RELN: variants seen among roughly 807,000 people sequenced by gnomAD.
RELN encodes reelin.
A neutral mutation model predicts 427.6 loss-of-function variants in RELN; 108 were observed. The ratio of observed to expected loss-of-function variants is 0.25; its 90% CI spans 0.22 to 0.30. RELN has a LOEUF of 0.30. Ranked by LOEUF, RELN falls within the 10% of genes least tolerant of loss-of-function variation. The pLI, the probability that RELN is intolerant of heterozygous loss-of-function variation, is 1.00. For missense variants in RELN, 3,715 were observed against 4,302.8 expected (o/e 0.86, Z 3.82); for synonymous variants, 1,524 against 1,513.4 (o/e 1.01, Z -0.16).
At chr7:103,612,320 T>C (rs1436974846) in intron 20 of RELN, among the ~76,000 whole-genome samples, 1 of 152,018 alleles carries the variant, frequency 6.6e-6, no homozygotes, top group Non-Finnish European at 1.5e-5. Flanking sequence ...CCTTTTTTTT[T>C]TTTTTGAGAC....
At chr7:103,666,164 A>AG (rs1833262868) in intron 11 of RELN, among the ~76,000 whole-genome samples, 1 of 151,942 alleles carries the variant, frequency 6.6e-6, no homozygotes, top group Non-Finnish European at 1.5e-5. Context: ...TCTTGGGCTC[A>AG]AGCGAACCGC....
At chr7:103,814,504 A>G (rs1792822141) in intron 3 of RELN, among the ~76,000 whole-genome samples, 1 of 152,234 alleles carries the variant, frequency 6.6e-6, no homozygotes, top group African/African-American at 2.4e-5. Flanking sequence ...GTCATGGTTC[A>G]TATACATCAA....
chr7:103,753,880 T>C (rs1791066986), intron 4 of RELN, among the ~76,000 whole-genome samples: 1 of 152,244 alleles, frequency 6.6e-6, no homozygotes, highest in East Asian at 1.9e-4. Context: ...AATAATACTA[T>C]GCTGACACAA....
chr7:103,542,164 G>A (rs1359083259), intron 43 of RELN, among the ~76,000 whole-genome samples: 18 of 152,192 alleles, frequency 1.2e-4, no homozygotes, highest in Admixed American at 1.2e-3. Context: ...TTGTTTCTGA[G>A]TGACTGTGTT....
intron 6 of RELN, among the ~76,000 whole-genome samples, chr7:103,736,600 G>A (rs1351351439): frequency 1.3e-5 from 2 of 152,088 alleles, no homozygotes; most frequent in African/African-American, 4.8e-5. Flanking sequence ...TAACAGGTAC[G>A]AATGACAAAC....
chr7:103,818,802 A>G (rs879716939), intron 3 of RELN, among the ~76,000 whole-genome samples: 5 of 152,144 alleles, frequency 3.3e-5, no homozygotes, highest in Admixed American at 2.0e-4. Context: ...ATATAATGTA[A>G]TGTTAGAGTT....
At chr7:103,734,826 C>T (rs1790450319) in intron 6 of RELN, among the ~76,000 whole-genome samples, 1 of 152,102 alleles carries the variant, frequency 6.6e-6, no homozygotes, top group Non-Finnish European at 1.5e-5. Context: ...TGACGGTGAA[C>T]ATTTATTTTG....
chr7:103,898,416 T>C (rs924958276), intron 2 of RELN, among the ~76,000 whole-genome samples: 2 of 152,058 alleles, frequency 1.3e-5, no homozygotes, highest in Non-Finnish European at 2.9e-5. Flanking sequence ...TGAACAATGA[T>C]ATACAAACTG....
chr7:103,948,605 G>C (rs541889663), intron 1 of RELN, among the ~76,000 whole-genome samples: 2 of 151,966 alleles, frequency 1.3e-5, no homozygotes, highest in East Asian at 3.9e-4. Flanking sequence ...CCCGGGAGGC[G>C]GAGGTTGCAG....
intron 2 of RELN, among the ~76,000 whole-genome samples, chr7:103,846,791 AT>A: frequency 6.6e-6 from 1 of 152,334 alleles, no homozygotes. Context: ...ACTTCTCAAA[AT>A]TCATGTGGTC....
At chr7:103,708,224 A>T (rs1478731329) in intron 8 of RELN, among the ~76,000 whole-genome samples, 2 of 152,220 alleles carry the variant, frequency 1.3e-5, no homozygotes, top group Non-Finnish European at 2.9e-5. Context: ...CAATCAATTC[A>T]TCAATGAGTC....
intron 2 of RELN, among the ~76,000 whole-genome samples, chr7:103,836,560 T>G (rs1299455848): frequency 6.6e-6 from 1 of 152,148 alleles, no homozygotes; most frequent in Admixed American, 6.5e-5. Flanking sequence ...TTTCAGCACT[T>G]CTTGCCCCCA....
chr7:103,912,335 C>T (rs1290286292), intron 2 of RELN, among the ~76,000 whole-genome samples: 3 of 151,930 alleles, frequency 2.0e-5, no homozygotes, highest in South Asian at 2.1e-4. Context: ...CAGGTACCTG[C>T]CACCATGCCT....
chr7:103,708,350 A>C (rs1315842857), intron 8 of RELN, among the ~76,000 whole-genome samples: 1 of 152,194 alleles, frequency 6.6e-6, no homozygotes, highest in Non-Finnish European at 1.5e-5. Context: ...CAGAAAAAAA[A>C]GTAGGAAAAA....
At chr7:103,551,966 G>C (rs1221498329) in intron 40 of RELN, among the ~76,000 whole-genome samples, 2 of 151,268 alleles carry the variant, frequency 1.3e-5, no homozygotes, top group Non-Finnish European at 2.9e-5. Context: ...TGTGGTAAGA[G>C]CATCTAAAAT....
In RELN at chr7:103,603,124, A is replaced by C. The variant is rs576865434; in HGVS notation, c.3333+180T>G. Reference sequence around the variant, plus strand: ...GATTTTTTAGTAACCAAAAAGAGTAATAAAAAGAACAACAAGAATTTCCCA... The same window carrying C: ...GATTTTTTAGTAACCAAAAAGAGTACTAAAAAGAACAACAAGAATTTCCCA... On this transcript the variant is annotated intron_variant, in intron 24 of 64. Transcript: ENST00000428762. This position sits in a 1 kb window ranked among gnomAD's most constrained non-coding sequence, Gnocchi z 4.3. Among the ~76,000 whole-genome samples the C allele has an allele frequency of 5.8e-4, 89 of 152,350 alleles. No homozygotes were observed. Among genetic ancestry groups the C allele is most frequent in the African/African-American group, 2.1e-3 (89 of 41,578 alleles).
chr7:103,975,746 A>G (rs1391614100), intron 1 of RELN, among the ~76,000 whole-genome samples: 1 of 142,138 alleles, frequency 7.0e-6, no homozygotes, highest in African/African-American at 2.6e-5. Flanking sequence ...TTTAGTAGAG[A>G]CGTGTTAGCC....
chr7:103,684,536 A>C (rs1021528944), intron 10 of RELN, among the ~76,000 whole-genome samples: 1 of 152,218 alleles, frequency 6.6e-6, no homozygotes, highest in Non-Finnish European at 1.5e-5. Flanking sequence ...GGAAAAGAAC[A>C]AAAATTGGAA....
Position 103,630,873 on chromosome 7 carries a change from TTG to T in RELN, c.2466-699_2466-698del, listed in dbSNP as rs1427800183. Among the ~76,000 whole-genome samples the T allele has an allele frequency of 2.9e-4, 44 of 150,578 alleles. 1 individual carries two copies. Among genetic ancestry groups the T allele is most frequent in the East Asian group, 2.1e-3 (11 of 5,162 alleles). ...TTTGTTTTTTTTGTTTTTTTTTTTTTTGTTTTTTAACTAATGAGCAAATAAAA... is the reference window on the plus strand; with the variant it reads ...TTTGTTTTTTTTGTTTTTTTTTTTTTTTTTTTAACTAATGAGCAAATAAAA... On this transcript the variant is annotated intron_variant, in intron 19 of 64. Coordinates refer to ENST00000428762, the MANE Select transcript of RELN (RefSeq NM_005045.4).
Sources: allele counts gnomAD v4.1 joint callset (sites outside exome capture counted in the v4.1 genomes callset), GRCh38; gene constraint gnomAD v4.1.1; non-coding constraint Gnocchi (gnomAD v3.1); transcripts MANE v1.5; gene names NCBI Gene and HGNC (gene_info 2026-07-23, HGNC 2026-07-21).